MRAS: variants seen among roughly 807,000 people sequenced by gnomAD.
The protein encoded by MRAS is ras-related protein M-Ras.
Under a neutral mutation model 20.9 loss-of-function variants are expected in MRAS, and 4 were observed. The ratio of observed to expected loss-of-function variants is 0.19; its 90% confidence interval spans 0.09 to 0.44. The LOEUF (loss-of-function observed/expected upper bound fraction) is 0.44. Ranked by LOEUF, MRAS falls within the 20% of genes least tolerant of loss-of-function variation. MRAS has a pLI of 0.99. For synonymous variants in MRAS, 98 were observed against 102.9 expected, an observed-to-expected ratio of 0.95 and a Z score of 0.29; for missense variants, 154 against 277.5, an observed-to-expected ratio of 0.56 and a Z score of 3.16.
Position 138,354,573 on chromosome 3 carries a change from G to A in MRAS, c.-19+5806G>A, listed in dbSNP as rs1576337641. On this transcript the variant is annotated intron_variant, in intron 1 of 5. Transcript: ENST00000423968. ...TTGTGGAGAAGCCACTCTGGGGAGAGTGTGTGTTTTTGGCTATGATCTTTT... is the reference window on the plus strand; with the variant it reads ...TTGTGGAGAAGCCACTCTGGGGAGAATGTGTGTTTTTGGCTATGATCTTTT... Among the ~76,000 whole-genome samples, 5 of 152,302 alleles carry A rather than the reference G, an allele frequency of 3.3e-5. No individual in the cohort carries two copies. The South Asian group carries it at 8.3e-4, about 25-fold the overall frequency.
intron 2 of MRAS, among the ~76,000 whole-genome samples, chr3:138,386,364 A>T (rs2055014642): frequency 6.6e-6 from 1 of 152,140 alleles, no homozygotes; most frequent in African/African-American, 2.4e-5. Flanking sequence ...ATGGGACGGC[A>T]CATGGTCTCT....
intron 1 of MRAS, among the ~76,000 whole-genome samples, chr3:138,357,364 G>A (rs1201763): frequency 0.82 from 125,573 of 152,222 alleles, 52,249 homozygotes; most frequent in East Asian, 0.97. Context: ...CTCTGCTCCA[G>A]TTCTGTCCCA....
At chr3:138,387,338 T>C (rs988000911) in intron 2 of MRAS, among the ~76,000 whole-genome samples, 13 of 152,222 alleles carry the variant, frequency 8.5e-5, no homozygotes, top group Admixed American at 8.5e-4. Context: ...GGAAGCAGCC[T>C]CCAGGCTTCT....
At chr3:138,348,464 GGGGCGACA>G (rs1012879131), upstream of MRAS, 1 of 152,094 alleles carries the variant, frequency 6.6e-6, no homozygotes, top group African/African-American at 2.4e-5. Flanking sequence ...GGTGCACGCG[GGGGCGACA>G]GGGTCGAGGC....
intron 2 of MRAS, among the ~76,000 whole-genome samples, chr3:138,376,526 G>A (rs1005822222): frequency 5.3e-5 from 8 of 152,148 alleles, no homozygotes; most frequent in African/African-American, 1.7e-4. Flanking sequence ...ATGACCAAAT[G>A]AAAGAATAAA....
At chr3:138,399,368 AT>A (rs985083805) in intron 4 of MRAS, among the ~76,000 whole-genome samples, 1 of 152,210 alleles carries the variant, frequency 6.6e-6, no homozygotes, top group Non-Finnish European at 1.5e-5. Context: ...TCCAATGAAT[AT>A]TTCAAAGGCT....
intron 2 of MRAS, among the ~76,000 whole-genome samples, chr3:138,380,599 C>T (rs1316646867): frequency 6.6e-6 from 1 of 151,828 alleles, no homozygotes; most frequent in Non-Finnish European, 1.5e-5. Context: ...GCGTGAGCCA[C>T]CGCGCCCGGC....
At chr3:138,384,779 G>T (rs1426059312) in intron 2 of MRAS, among the ~76,000 whole-genome samples, 1 of 152,122 alleles carries the variant, frequency 6.6e-6, no homozygotes, top group African/African-American at 2.4e-5. Context: ...GGGAGAAGAG[G>T]AGACAGGGCA....
intron 1 of MRAS, among the ~76,000 whole-genome samples, chr3:138,364,006 G>A (rs1206164735): frequency 1.3e-5 from 2 of 152,122 alleles, no homozygotes; most frequent in Admixed American, 6.5e-5. Context: ...GCAAAAGAAG[G>A]CATCTGAGGA....
At chr3:138,378,824 CT>C (rs773394304) in intron 2 of MRAS, among the ~76,000 whole-genome samples, 155 of 152,174 alleles carry the variant, frequency 1.0e-3, no homozygotes, top group Admixed American at 4.8e-3. Flanking sequence ...TCTCCAGAAC[CT>C]TTTCACCTTC....
At chr3:138,353,466 C>G (rs1225397127) in intron 1 of MRAS, among the ~76,000 whole-genome samples, 1 of 152,146 alleles carries the variant, frequency 6.6e-6, no homozygotes. Context: ...TGTCTCTACC[C>G]TTTGAGTCAG....
chr3:138,402,153 C>T lies in MRAS; in HGVS notation c.528-17C>T. ...CCCATTCTGACTTTGTCTTTCTGTC[C>T]TTCATTGTTTCAAAAGGCAACAGAT... On this transcript the variant is annotated splice_polypyrimidine_tract_variant and intron_variant, in intron 5 of 5. Coordinates refer to ENST00000423968, the MANE Select transcript of MRAS (RefSeq NM_001085049.3). 1 of 1,612,084 alleles carries T rather than the reference C, an allele frequency of 6.2e-7. No homozygotes were observed. The highest frequency in any genetic ancestry group is 1.1e-5 in the South Asian group (1 of 91,016).
At chr3:138,353,697 A>G (rs1247117500) in intron 1 of MRAS, among the ~76,000 whole-genome samples, 2 of 152,160 alleles carry the variant, frequency 1.3e-5, no homozygotes, top group Non-Finnish European at 2.9e-5. Context: ...CCATTCATTG[A>G]TCCATCTCTC....
chr3:138,364,464 A>C (rs2108508484), intron 1 of MRAS, among the ~76,000 whole-genome samples: 1 of 152,364 alleles, frequency 6.6e-6, no homozygotes, highest in Admixed American at 6.5e-5. Flanking sequence ...AAAGAAAACC[A>C]AAGTACAGAA....
chr3:138,351,259 T>C (rs960066765), intron 1 of MRAS, among the ~76,000 whole-genome samples: 2 of 92,070 alleles, frequency 2.2e-5, no homozygotes, highest in African/African-American at 6.0e-5. Context: ...CTCATGAGCA[T>C]TGTGTAGTTT....
rs1309490325 is a variant in MRAS at position 138,403,375 on chromosome 3, A to G, written c.*1106A>G. On this transcript the variant is annotated 3_prime_UTR_variant, in exon 6 of 6. Coordinates refer to ENST00000423968, the MANE Select transcript of MRAS (RefSeq NM_001085049.3). ...TAACCAAAAATGATTCAATACTGTTATCACTAAAACAGCACCAAGACCTGA... is the reference window on the plus strand; with the variant it reads ...TAACCAAAAATGATTCAATACTGTTGTCACTAAAACAGCACCAAGACCTGA... The G allele has an allele frequency of 6.6e-6, 1 of 152,282 alleles. No homozygotes were observed. Among genetic ancestry groups the G allele is most frequent in the Non-Finnish European group, 1.5e-5 (1 of 68,058 alleles). The allele number at this position is 152,282 out of a possible 1,614,324, so 9.4% of individuals were successfully genotyped here.
intron 1 of MRAS, among the ~76,000 whole-genome samples, chr3:138,368,904 G>C (rs1421787412): frequency 1.3e-5 from 2 of 152,132 alleles, no homozygotes; most frequent in Admixed American, 6.6e-5. Flanking sequence ...GTTTTGGGGG[G>C]GGCCGGAGAA....
In MRAS at chr3:138,396,469, G is replaced by A. The variant is rs377424209; in HGVS notation, c.194-855G>A. ...GCAGGGGAGGCTAAGCCATGAGCAG[G>A]TGCTTGGAGGATGCTGCAGGTTCAG... is the stretch of plus-strand genomic sequence containing the variant. On this transcript the variant is annotated intron_variant, in intron 2 of 5. Transcript: ENST00000423968. Among the ~76,000 whole-genome samples, 43 of 152,348 alleles carry A rather than the reference G, an allele frequency of 2.8e-4. No homozygotes were observed. The East Asian group carries it at 7.7e-3, about 27-fold the overall frequency.
chr3:138,366,702 G>T (rs2054566271), intron 1 of MRAS, among the ~76,000 whole-genome samples: 1 of 152,242 alleles, frequency 6.6e-6, no homozygotes, highest in African/African-American at 2.4e-5. Context: ...GAGGCAGTGT[G>T]GCATGACAGT....
Sources: allele counts gnomAD v4.1 joint callset (sites outside exome capture counted in the v4.1 genomes callset), GRCh38; gene constraint gnomAD v4.1.1; transcripts MANE v1.5; gene names NCBI Gene and HGNC (gene_info 2026-07-23, HGNC 2026-07-21).